Variants in ATP10A observed in about 807,000 individuals in gnomAD.
ATP10A encodes the protein phospholipid-transporting ATPase VA.
ATP10A carries 111 observed loss-of-function variants against 147.8 expected under a neutral mutation model. That is an observed-to-expected ratio of 0.75 (90% CI 0.64 to 0.88). ATP10A has a LOEUF of 0.88. ATP10A is among the 40% of genes least tolerant of loss of function. The probability of loss-of-function intolerance (pLI) is 0.00; values close to 1 mark genes in which losing one functional copy is unlikely to be tolerated. For missense variants in ATP10A, 1,927 were observed against 1,959.0 expected (o/e 0.98, Z 0.31); for synonymous variants, 875 against 841.6 (o/e 1.04, Z -0.69).
chr15:25,818,539 C>CT (rs972803690), intron 1 of ATP10A, among the ~76,000 whole-genome samples: 1 of 152,038 alleles, frequency 6.6e-6, no homozygotes, highest in Admixed American at 6.6e-5. Flanking sequence ...CCAAAGCCAT[C>CT]TACAGATTCA....
chr15:25,782,769 T>C (rs1420236396), intron 1 of ATP10A, among the ~76,000 whole-genome samples: 2 of 152,222 alleles, frequency 1.3e-5, no homozygotes, highest in Non-Finnish European at 2.9e-5. Flanking sequence ...TAAGAGTTCC[T>C]TGAAGGCGGT....
rs1902399354 is a variant in ATP10A, at chr15:25,723,963, C to T, written c.1038G>A (p.Lys346=). 2 of 1,610,736 alleles carry T rather than the reference C, an allele frequency of 1.2e-6. No individual in the cohort carries two copies. The highest frequency in any genetic ancestry group is 4.5e-5 in the East Asian group (2 of 44,710). ...CTGGGGATAAGGAGCTTCCATCAGA[C>T]TTGGGGACATAAAATAATGACTTCT... ...QEKKSLFYVP[K]SDGSSLSPVT... Residue 346 remains lysine, a synonymous_variant, in exon 6 of 21, where the codon AAG becomes AAA. Transcript: ENST00000555815.
At chr15:25,704,029 A>G (rs1900826120) in intron 12 of ATP10A, among the ~76,000 whole-genome samples, 1 of 151,684 alleles carries the variant, frequency 6.6e-6, no homozygotes, top group Non-Finnish European at 1.5e-5. Context: ...CCGTGAGCAC[A>G]TCCCCAGCCA....
intron 2 of ATP10A, among the ~76,000 whole-genome samples, chr15:25,748,056 G>A (rs370507149): frequency 1.1e-4 from 16 of 151,932 alleles, no homozygotes; most frequent in East Asian, 5.8e-4. Context: ...TCTGCCTCCC[G>A]GGTTCATGCC....
chr15:25,787,145 G>A (rs1366154235), intron 1 of ATP10A, among the ~76,000 whole-genome samples: 1 of 152,092 alleles, frequency 6.6e-6, no homozygotes, highest in Non-Finnish European at 1.5e-5. Flanking sequence ...TGACTCCAGG[G>A]TCTGGGAAGC....
At chr15:25,691,642 C>G in intron 15 of ATP10A, 73 bp downstream of exon 15, 1 of 1,495,130 alleles carries the variant, frequency 6.7e-7, no homozygotes, top group Non-Finnish European at 9.3e-7. Flanking sequence ...AAGTCGGGGA[C>G]AGCCCACAGG....
In ATP10A at chr15:25,831,742, T is replaced by C. The variant is rs141521328; in HGVS notation, c.449+30906A>G. On this transcript the variant is annotated intron_variant, in intron 1 of 20. Coordinates refer to ENST00000555815, the MANE Select transcript of ATP10A (RefSeq NM_024490.4). ...GGGGATCTAGAAGATAGCATTGTCA[T>C]ATATTTCCAAAGAGCCACACAACCT... Among the ~76,000 whole-genome samples, 5 of 152,296 alleles carry C rather than the reference T, an allele frequency of 3.3e-5. No homozygotes were observed. The East Asian group carries it at 9.7e-4, about 29-fold the overall frequency.
intron 1 of ATP10A, among the ~76,000 whole-genome samples, chr15:25,814,331 TAAAC>T (rs1241234126): frequency 1.3e-5 from 2 of 152,170 alleles, no homozygotes; most frequent in Non-Finnish European, 2.9e-5. Flanking sequence ...TGCTCAGACT[TAAAC>T]AAAGACATTC....
chr15:25,862,400 G>C (rs1218145620), intron 1 of ATP10A: 1 of 651,794 alleles, frequency 1.5e-6, no homozygotes. Flanking sequence ...GCCCCGACAC[G>C]GAGTGACAGG....
At position 25,694,998 on chromosome 15, in the gene ATP10A, G is replaced by T. The variant is rs1445552413; in HGVS notation, c.2909C>A (p.Pro970His). The change falls in exon 14 of 21, where the codon CCC becomes CAC. Residue 970 changes from proline to histidine, a missense_variant. Pro to His is a moderately conservative substitution (Grantham distance 77). Coordinates refer to ENST00000555815, the MANE Select transcript of ATP10A (RefSeq NM_024490.4). ...GCTTCTCCCATCGATCACGAGGCTGGGTCTGCGGCCAGAGGCAGTGGACGT... is the reference window on the plus strand; with the variant it reads ...GCTTCTCCCATCGATCACGAGGCTGTGTCTGCGGCCAGAGGCAGTGGACGT... ...PSTSTASGRRPSLVIDGRSLA... is the reference protein window; with the variant it reads ...PSTSTASGRRHSLVIDGRSLA... 6.2e-7 allele frequency: 1 copy of T among 1,614,076 alleles called. No homozygotes were observed.
At chr15:25,838,177 C>T (rs768080628) in intron 1 of ATP10A, among the ~76,000 whole-genome samples, 3 of 152,198 alleles carry the variant, frequency 2.0e-5, no homozygotes, top group African/African-American at 7.2e-5. Flanking sequence ...CCAATTTGAA[C>T]ATAACAGAAA....
chr15:25,715,928 G>A (rs146590795), intron 9 of ATP10A, among the ~76,000 whole-genome samples: 10 of 152,218 alleles, frequency 6.6e-5, no homozygotes, highest in South Asian at 2.1e-4. Context: ...TCACGCTTCC[G>A]TGCCCCCTAC....
intron 2 of ATP10A, among the ~76,000 whole-genome samples, chr15:25,777,573 G>A (rs1889675315): frequency 6.6e-6 from 1 of 151,940 alleles, no homozygotes; most frequent in Admixed American, 6.6e-5. Flanking sequence ...AGAGCCAGGG[G>A]CAGTGGCTGT....
chr15:25,782,593 G>A (rs1218149074), intron 1 of ATP10A, among the ~76,000 whole-genome samples: 1 of 152,134 alleles, frequency 6.6e-6, no homozygotes, highest in Non-Finnish European at 1.5e-5. Flanking sequence ...TTACCTCCCA[G>A]GGACACATTC....
At chr15:25,795,065 AGT>A (rs1890606972) in intron 1 of ATP10A, among the ~76,000 whole-genome samples, 1 of 152,196 alleles carries the variant, frequency 6.6e-6, no homozygotes, top group South Asian at 2.1e-4. Context: ...GCTAAATCAC[AGT>A]GGTTCTCTCC....
At chr15:25,672,614 G>C (rs1899065399), downstream of ATP10A, among the ~76,000 whole-genome samples, 1 of 152,042 alleles carries the variant, frequency 6.6e-6, no homozygotes, top group African/African-American at 2.4e-5. Context: ...CAGTGCACAG[G>C]GCTCTGGAGC....
chr15:25,683,924 A>G (rs949479619), intron 16 of ATP10A: 7 of 177,964 alleles, frequency 3.9e-5, no homozygotes, highest in African/African-American at 1.7e-4. Flanking sequence ...ACCTGTGGCT[A>G]TATCTCTGCT....
intron 2 of ATP10A, among the ~76,000 whole-genome samples, chr15:25,773,800 A>C (rs564919666): frequency 6.8e-6 from 1 of 146,726 alleles, no homozygotes; most frequent in African/African-American, 2.5e-5. Context: ...ACTCACACAA[A>C]CATACACACC....
chr15:25,755,147 T>C (rs1228332567), intron 2 of ATP10A, among the ~76,000 whole-genome samples: 1 of 152,170 alleles, frequency 6.6e-6, no homozygotes, highest in Non-Finnish European at 1.5e-5. Context: ...ATTCAGGAGA[T>C]AATCCCCAAG....
Sources: allele counts gnomAD v4.1 joint callset (sites outside exome capture counted in the v4.1 genomes callset), GRCh38; gene constraint gnomAD v4.1.1; transcripts MANE v1.5; gene names NCBI Gene and HGNC (gene_info 2026-07-23, HGNC 2026-07-21).